FHDC1: variants seen among roughly 807,000 people sequenced by gnomAD.
FHDC1 encodes the protein FH2 domain-containing protein 1.
In FHDC1, 25 loss-of-function variants were observed where a neutral mutation model predicts 52.6. The observed-to-expected ratio is 0.48, with a 90% CI of 0.35 to 0.66. The LOEUF is 0.66. FHDC1 is among the 30% of genes least tolerant of loss of function. The pLI is 0.01. For missense variants in FHDC1, 1,459 were observed against 1,452.8 expected (o/e 1.00, Z -0.07); for synonymous variants, 616 against 581.5 (o/e 1.06, Z -0.85).
At chr4:152,960,341 A>G (rs1226884886) in intron 4 of FHDC1, among the ~76,000 whole-genome samples, 2 of 152,204 alleles carry the variant, frequency 1.3e-5, no homozygotes, top group East Asian at 1.9e-4. Context: ...CTATAGCTAC[A>G]TAAGTGACGC....
Position 152,976,387 on chromosome 4 carries a change from C to T in FHDC1, c.3096C>T (p.Val1032=). ...GCGTCCCCCACGAACTACCCCGTGTCCCGAGCTTTGCCCGGAACACAGTGG... is the reference window on the plus strand; with the variant it reads ...GCGTCCCCCACGAACTACCCCGTGTTCCGAGCTTTGCCCGGAACACAGTGG... ...VPSVPHELPR[V]PSFARNTVAS... is the part of the protein sequence containing the mutation. The change falls in exon 12 of 12, where the codon GTC becomes GTT. Residue 1032 remains valine (V), a synonymous_variant. Transcript: ENST00000511601. 1.9e-6 allele frequency: 3 copies of T among 1,613,826 alleles called. No individual in the cohort carries two copies. Among genetic ancestry groups the T allele is most frequent in the Non-Finnish European group, 2.5e-6 (3 of 1,180,022 alleles).
chr4:152,930,653 C>T, the FHDC1 span, among the ~76,000 whole-genome samples: 5 of 152,168 alleles, frequency 3.3e-5, no homozygotes, highest in Non-Finnish European at 1.5e-5. Context: ...CGACAAAAAG[C>T]TTGCCCCCTT....
At chr4:152,954,124 A>G (rs913279289) in intron 3 of FHDC1, 93 bp from the exon 4 acceptor site, 16 of 1,028,560 alleles carry the variant, frequency 1.6e-5, no homozygotes, top group Admixed American at 8.3e-5. Flanking sequence ...GTGGGTGGGA[A>G]GGAGGGTGGA....
At chr4:152,927,921 G>A in the FHDC1 span, 35 of 1,431,598 alleles carry the variant, frequency 2.4e-5, no homozygotes, top group Admixed American at 1.7e-4. Context: ...GCTGTGAAGC[G>A]TAAGAGCTCA....
intron 3 of FHDC1, among the ~76,000 whole-genome samples, 177 bp downstream of exon 3, chr4:152,953,737 A>T (rs1292654094): frequency 4.6e-5 from 7 of 152,224 alleles, no homozygotes; most frequent in Admixed American, 3.9e-4. Flanking sequence ...AGGGAAACAT[A>T]ACATAGTGGC....
At position 152,968,109 on chromosome 4, in the gene FHDC1, A is replaced by G. The variant is rs201463977; in HGVS notation, c.1218+12A>G. 31 of 1,600,628 alleles carry G rather than the reference A, an allele frequency of 1.9e-5. No individual in the cohort carries two copies. Among genetic ancestry groups the G allele is most frequent in the Non-Finnish European group, 6.8e-6 (8 of 1,169,172 alleles). On this transcript the variant is annotated intron_variant, in intron 10 of 11. Coordinates refer to ENST00000511601, the MANE Select transcript of FHDC1 (RefSeq NM_001371116.1). ...AAGATTTTCTTCAGGTTTGTAGGTG[A>G]CTCAAGTCAGTCCCTCTAATCTCAT...
At chr4:152,920,441 C>T in the FHDC1 span, among the ~76,000 whole-genome samples, 1 of 152,060 alleles carries the variant, frequency 6.6e-6, no homozygotes, top group South Asian at 2.1e-4. Flanking sequence ...TAAGTCATAA[C>T]CTTCAAGTCA....
Position 152,975,541 on chromosome 4 carries a change from A to T in FHDC1, c.2250A>T (p.Gly750=). 1 of 1,613,592 alleles carries T rather than the reference A, an allele frequency of 6.2e-7. No homozygotes were observed. Among genetic ancestry groups the T allele is most frequent in the Non-Finnish European group, 8.5e-7 (1 of 1,180,004 alleles). Residue 750 remains glycine, a synonymous_variant, in exon 12 of 12, where the codon GGA becomes GGT. Transcript: ENST00000511601. ...EDGKAAPDEP[G]SAALGSVGSS... The stretch of plus-strand genomic sequence containing the variant: ...GCAAGGCTGCCCCCGATGAGCCTGG[A>T]AGTGCAGCTTTGGGATCTGTGGGTA...
Position 152,974,870 on chromosome 4 carries a change from T to G in FHDC1, c.1579T>G (p.Ser527Ala). ...PFLHPRPISP[S>A]SPSYRPPNTR... ...CCTGCACCCCAGGCCCATCAGCCCCTCCAGCCCCTCCTACCGGCCCCCGAA... is the reference window on the plus strand; with the variant it reads ...CCTGCACCCCAGGCCCATCAGCCCCGCCAGCCCCTCCTACCGGCCCCCGAA... Residue 527 changes from serine (S) to alanine (A), a missense_variant, in exon 12 of 12, where the codon TCC (serine) becomes GCC (alanine). Transcript: ENST00000511601. The G allele has an allele frequency of 6.2e-7, 1 of 1,601,584 alleles. No homozygotes were observed. The highest frequency in any genetic ancestry group is 8.5e-7 in the Non-Finnish European group (1 of 1,175,076).
the FHDC1 span, among the ~76,000 whole-genome samples, chr4:152,926,783 G>A: frequency 5.3e-5 from 8 of 149,750 alleles, no homozygotes; most frequent in African/African-American, 1.7e-4. Context: ...AAGGCTGATA[G>A]AGTTGGTCAA....
chr4:152,944,010 T>G (rs538178670), intron 2 of FHDC1, among the ~76,000 whole-genome samples: 1 of 152,234 alleles, frequency 6.6e-6, no homozygotes, highest in Non-Finnish European at 1.5e-5. Flanking sequence ...GATTTTACCC[T>G]TATTTTCTCC....
chr4:152,951,860 C>CA (rs1180483343), intron 2 of FHDC1, among the ~76,000 whole-genome samples: 8 of 151,896 alleles, frequency 5.3e-5, no homozygotes, highest in African/African-American at 4.8e-5. Flanking sequence ...ATTTAACAGC[C>CA]AAAAAAAGTT....
intron 2 of FHDC1, among the ~76,000 whole-genome samples, chr4:152,947,966 C>T (rs985607478): frequency 3.9e-5 from 6 of 152,152 alleles, no homozygotes; most frequent in South Asian, 2.1e-4. Flanking sequence ...TCCAGAATTT[C>T]GGGATATGCT....
the FHDC1 span, among the ~76,000 whole-genome samples, chr4:152,926,500 A>T: frequency 6.6e-6 from 1 of 150,642 alleles, no homozygotes; most frequent in Admixed American, 6.6e-5. Flanking sequence ...TGATGTGATG[A>T]AAAAAAAAGG....
the FHDC1 span, among the ~76,000 whole-genome samples, chr4:152,922,183 T>C: frequency 6.6e-6 from 1 of 152,100 alleles, no homozygotes; most frequent in Non-Finnish European, 1.5e-5. Flanking sequence ...ATATCACCAC[T>C]GATCCCACAG....
At chr4:152,919,063 G>T in the FHDC1 span, among the ~76,000 whole-genome samples, 1 of 152,244 alleles carries the variant, frequency 6.6e-6, no homozygotes, top group African/African-American at 2.4e-5. Flanking sequence ...CTCGTGCTTT[G>T]CACGTAAAGG....
intron 2 of FHDC1, among the ~76,000 whole-genome samples, chr4:152,949,109 T>TAAGAAGAAGAAGAAGAAG: frequency 1.3e-5 from 1 of 75,070 alleles, no homozygotes; most frequent in East Asian, 5.0e-4. Context: ...ATAATAATAA[T>TAAGAAGAAGAAGAAGAAG]AATAATAATA....
In FHDC1 at chr4:152,976,330, C is replaced by T; in HGVS notation, c.3039C>T (p.Pro1013=). The change falls in exon 12 of 12, where the codon CCC becomes CCT. Residue 1013 remains proline (P), a synonymous_variant. Transcript: ENST00000511601. The stretch of plus-strand genomic sequence containing the variant: ...CCCACTCCGAGGGCCCTGAGAGTCC[C>T]AAAGAAGAGCCCAAGACCCCGTCAG... The part of the protein sequence containing the change: ...CRAHSEGPES[P]KEEPKTPSVP... 6.2e-7 allele frequency: 1 copy of T among 1,613,736 alleles called. No individual in the cohort carries two copies.
intron 10 of FHDC1, among the ~76,000 whole-genome samples, chr4:152,968,520 G>C (rs2102787): frequency 6.6e-6 from 1 of 152,040 alleles, no homozygotes; most frequent in Non-Finnish European, 1.5e-5. Flanking sequence ...GTAGAGACGC[G>C]GTTTTGCCAT....
Sources: allele counts gnomAD v4.1 joint callset (sites outside exome capture counted in the v4.1 genomes callset), GRCh38; gene constraint gnomAD v4.1.1; transcripts MANE v1.5; gene names NCBI Gene and HGNC (gene_info 2026-07-23, HGNC 2026-07-21).